Variants in SUCLG2 observed in about 807,000 individuals in gnomAD.
SUCLG2 encodes the protein succinate--CoA ligase [GDP-forming] subunit beta, mitochondrial.
A neutral mutation model predicts 47.9 loss-of-function variants in SUCLG2; 42 were observed. That is an observed-to-expected ratio of 0.88 (90% CI 0.69 to 1.14). SUCLG2 has a LOEUF of 1.14. Among genes scored for constraint, SUCLG2 ranks in the 50% most tolerant of loss-of-function variants. The probability of loss-of-function intolerance (pLI) is 0.00; values close to 1 mark genes in which losing one functional copy is unlikely to be tolerated. For missense variants in SUCLG2, 571 were observed against 525.9 expected (o/e 1.09, Z -0.84); for synonymous variants, 195 against 197.3 (o/e 0.99, Z 0.10).
intron 2 of SUCLG2, among the ~76,000 whole-genome samples, chr3:67,602,622 T>C (rs1708444377): frequency 1.3e-5 from 2 of 151,984 alleles, no homozygotes; most frequent in African/African-American, 2.4e-5. Context: ...CAATAGAAAA[T>C]GTCATTAAAA....
At position 67,626,395 on chromosome 3, in the gene SUCLG2, C is replaced by A. The variant is rs1437080482; in HGVS notation, c.85-16799G>T. 3.3e-5 allele frequency among the ~76,000 whole-genome samples: 5 copies of A among 151,868 alleles called. No homozygotes were observed. The East Asian group carries it at 7.7e-4, about 24-fold the overall frequency. ...ACCAAGCAGCAAGGGGTATGCTGGA[C>A]AAAAACAGCAATTGTAGGGTACACG... On this transcript the variant is annotated intron_variant, in intron 1 of 10. Transcript: ENST00000307227.
intron 2 of SUCLG2, among the ~76,000 whole-genome samples, chr3:67,557,731 T>C (rs974310061): frequency 2.0e-5 from 3 of 152,168 alleles, no homozygotes; most frequent in Admixed American, 2.0e-4. Flanking sequence ...TAGTGCATCT[T>C]AATAATTGAG....
intron 1 of SUCLG2, among the ~76,000 whole-genome samples, chr3:67,626,740 C>G (rs554005015): frequency 6.6e-6 from 1 of 152,000 alleles, no homozygotes; most frequent in East Asian, 1.9e-4. Context: ...CGGTGAAACC[C>G]CATCTCTACT....
At chr3:67,571,876 T>A (rs1471038745) in intron 2 of SUCLG2, among the ~76,000 whole-genome samples, 7 of 152,248 alleles carry the variant, frequency 4.6e-5, no homozygotes, top group African/African-American at 1.4e-4. Flanking sequence ...CAAGACCACA[T>A]GTTGCTCTTT....
At chr3:67,439,869 A>G (rs1246548850) in intron 9 of SUCLG2, among the ~76,000 whole-genome samples, 2 of 152,176 alleles carry the variant, frequency 1.3e-5, no homozygotes, top group African/African-American at 4.8e-5. Context: ...TCACAGAATT[A>G]GAAAAATCTA....
chr3:67,499,989 C>T (rs1227562575), intron 7 of SUCLG2, among the ~76,000 whole-genome samples: 1 of 152,068 alleles, frequency 6.6e-6, no homozygotes, highest in Non-Finnish European at 1.5e-5. Flanking sequence ...CCTCAGCCTC[C>T]CAAAGTGCTG....
intron 4 of SUCLG2, among the ~76,000 whole-genome samples, chr3:67,526,655 T>C (rs917944450): frequency 2.6e-5 from 4 of 152,084 alleles, no homozygotes; most frequent in Admixed American, 6.6e-5. Flanking sequence ...GAAATATCAC[T>C]ACACACCCAT....
At chr3:67,427,042 T>C (rs958014048) in intron 9 of SUCLG2, among the ~76,000 whole-genome samples, 2 of 152,196 alleles carry the variant, frequency 1.3e-5, no homozygotes, top group Non-Finnish European at 2.9e-5. Context: ...TTCCTACCGA[T>C]TGGCCTTATA....
chr3:67,570,711 T>G (rs1471159967), intron 2 of SUCLG2, among the ~76,000 whole-genome samples: 1 of 152,142 alleles, frequency 6.6e-6, no homozygotes, highest in Non-Finnish European at 1.5e-5. Context: ...GTACATACAG[T>G]TACACATTAA....
chr3:67,456,929 C>T (rs554826224), intron 9 of SUCLG2, among the ~76,000 whole-genome samples: 194 of 152,144 alleles, frequency 1.3e-3, no homozygotes, highest in African/African-American at 4.1e-3. Context: ...GGTTATTTTC[C>T]TTTTCTTCTT....
At chr3:67,535,274 C>T (rs573222725) in intron 2 of SUCLG2, among the ~76,000 whole-genome samples, 40 of 152,088 alleles carry the variant, frequency 2.6e-4, no homozygotes, top group Non-Finnish European at 5.3e-4. Context: ...TTATAGGAAT[C>T]GAAGCTTGCA....
chr3:67,531,308 G>T (rs1706397834), intron 2 of SUCLG2, among the ~76,000 whole-genome samples: 1 of 152,066 alleles, frequency 6.6e-6, no homozygotes, highest in African/African-American at 2.4e-5. Context: ...TTACATAACT[G>T]GCATTCCATT....
chr3:67,414,411 C>G (rs531348768), intron 9 of SUCLG2, among the ~76,000 whole-genome samples: 1 of 152,292 alleles, frequency 6.6e-6, no homozygotes, highest in African/African-American at 2.4e-5. Flanking sequence ...ATTATATTGA[C>G]TAACTGACTT....
chr3:67,446,871 C>A lies in SUCLG2; in HGVS notation c.1063-46020G>T, dbSNP rs187244815. On this transcript the variant is annotated intron_variant, in intron 9 of 10. Coordinates refer to ENST00000307227, the MANE Select transcript of SUCLG2 (RefSeq NM_003848.4). Reference sequence around the variant, plus strand: ...CTATTCACTTTATTTTAAATTGTGACATATTAAAAAAAGATTATCTATTAA... The same window carrying A: ...CTATTCACTTTATTTTAAATTGTGAAATATTAAAAAAAGATTATCTATTAA... Among the ~76,000 whole-genome samples, 6 of 152,040 alleles carry A rather than the reference C, an allele frequency of 3.9e-5. No individual in the cohort carries two copies. In the East Asian group the frequency reaches 1.2e-3, roughly 29 times the overall value.
At chr3:67,450,810 A>G (rs1352765373) in intron 9 of SUCLG2, among the ~76,000 whole-genome samples, 1 of 152,222 alleles carries the variant, frequency 6.6e-6, no homozygotes, top group African/African-American at 2.4e-5. Context: ...TTGCTACTGT[A>G]TCTGGCCCAT....
chr3:67,469,744 A>G (rs533901269), intron 9 of SUCLG2, among the ~76,000 whole-genome samples: 77 of 149,524 alleles, frequency 5.1e-4, no homozygotes, highest in African/African-American at 1.8e-3. Context: ...AATAATAATA[A>G]TTTTTTAAAA....
chr3:67,632,611 C>A (rs1700946367), intron 1 of SUCLG2, among the ~76,000 whole-genome samples: 1 of 151,996 alleles, frequency 6.6e-6, no homozygotes, highest in African/African-American at 2.4e-5. Context: ...GAGCCCTGGC[C>A]CCACTATGAT....
At chr3:67,509,491 C>A (rs1382747379) in intron 6 of SUCLG2, among the ~76,000 whole-genome samples, 1 of 152,200 alleles carries the variant, frequency 6.6e-6, no homozygotes, top group Non-Finnish European at 1.5e-5. Context: ...GCAAGAATAT[C>A]CAAGGTTGCC....
At chr3:67,649,410 T>TAAA (rs1701247617) in intron 1 of SUCLG2, among the ~76,000 whole-genome samples, 1 of 152,204 alleles carries the variant, frequency 6.6e-6, no homozygotes, top group South Asian at 2.1e-4. Context: ...CAGAAAATAT[T>TAAA]TGCTACATAA....
Sources: allele counts gnomAD v4.1 joint callset (sites outside exome capture counted in the v4.1 genomes callset), GRCh38; gene constraint gnomAD v4.1.1; transcripts MANE v1.5; gene names NCBI Gene and HGNC (gene_info 2026-07-23, HGNC 2026-07-21).